Variants in SEL1L3 observed in about 807,000 individuals in gnomAD.
SEL1L3 encodes the protein protein sel-1 homolog 3.
SEL1L3 carries 76 observed loss-of-function variants against 142.8 expected under a neutral mutation model. The observed-to-expected ratio is 0.53, with a 90% CI of 0.44 to 0.64. The LOEUF is 0.64. Ranked by LOEUF, SEL1L3 falls within the 30% of genes least tolerant of loss-of-function variation. The probability of loss-of-function intolerance (pLI) is 0.00; values close to 1 mark genes in which losing one functional copy is unlikely to be tolerated. For missense variants in SEL1L3, 1,262 were observed against 1,381.7 expected (o/e 0.91, Z 1.37); for synonymous variants, 504 against 519.6 (o/e 0.97, Z 0.41).
chr4:25,767,507 C>G lies in SEL1L3; in HGVS notation c.2845+18G>C, dbSNP rs2290575. On this transcript the variant is annotated intron_variant, in intron 19 of 23. Coordinates refer to ENST00000399878, the MANE Select transcript of SEL1L3 (RefSeq NM_015187.5). Reference sequence around the variant, plus strand: ...AAACACCTAATGCTTCAATTTTGCACCGTTTTTCTATACATACCAAAGGAA... The same window carrying G: ...AAACACCTAATGCTTCAATTTTGCAGCGTTTTTCTATACATACCAAAGGAA... 0.22 allele frequency: 314,980 copies of G among 1,404,000 alleles called. 36,736 individuals carry two copies. Among genetic ancestry groups the G allele is most frequent in the Middle Eastern group, 0.32 (1,811 of 5,698 alleles). 87.0% of individuals were successfully genotyped at this position (1,404,000 alleles called of 1,614,324 possible).
intron 11 of SEL1L3, among the ~76,000 whole-genome samples, chr4:25,794,417 A>AG (rs1359376439): frequency 2.0e-5 from 3 of 152,250 alleles, no homozygotes; most frequent in Non-Finnish European, 4.4e-5. Context: ...CAACAAATGT[A>AG]GGGGAAAAAA....
At chr4:25,859,314 A>G (rs1215004293) in intron 1 of SEL1L3, among the ~76,000 whole-genome samples, 1 of 152,220 alleles carries the variant, frequency 6.6e-6, no homozygotes, top group African/African-American at 2.4e-5. Flanking sequence ...GTGACCTCAG[A>G]ATTTTCTGGC....
chr4:25,773,853 T>C (rs1719412465), intron 17 of SEL1L3, among the ~76,000 whole-genome samples: 1 of 152,194 alleles, frequency 6.6e-6, no homozygotes, highest in South Asian at 2.1e-4. Context: ...ATAAATGCTG[T>C]TCCCTGCCTG....
chr4:25,845,048 G>T (rs1716421273), intron 2 of SEL1L3, among the ~76,000 whole-genome samples: 1 of 152,184 alleles, frequency 6.6e-6, no homozygotes, highest in Non-Finnish European at 1.5e-5. Flanking sequence ...CACAAACACA[G>T]GACCCCCTGT....
chr4:25,809,437 G>T (rs1005775456), intron 9 of SEL1L3, among the ~76,000 whole-genome samples: 1 of 151,578 alleles, frequency 6.6e-6, no homozygotes, highest in South Asian at 2.1e-4. Context: ...GAGCCACGGC[G>T]CCCAGCCTAT....
At chr4:25,855,515 G>A (rs1341951405) in intron 1 of SEL1L3, among the ~76,000 whole-genome samples, 1 of 152,162 alleles carries the variant, frequency 6.6e-6, no homozygotes, top group Non-Finnish European at 1.5e-5. Flanking sequence ...CAGCACTTTG[G>A]GAGGCCGAGG....
intron 9 of SEL1L3, among the ~76,000 whole-genome samples, chr4:25,817,000 T>G (rs138786682): frequency 1.3e-5 from 2 of 152,342 alleles, no homozygotes; most frequent in Non-Finnish European, 2.9e-5. Context: ...CTTCTATATC[T>G]TTAATAAAAT....
chr4:25,809,051 C>T (rs28551131), intron 9 of SEL1L3, among the ~76,000 whole-genome samples: 6,112 of 135,090 alleles, frequency 0.045, 259 homozygotes, highest in East Asian at 0.14. Context: ...CCAGCCTGGG[C>T]GACAGAGTGA....
In SEL1L3 at chr4:25,767,732, T is replaced by A; in HGVS notation, c.2760+8A>T. On this transcript the variant is annotated splice_region_variant and intron_variant, in intron 18 of 23. Coordinates refer to ENST00000399878, the MANE Select transcript of SEL1L3 (RefSeq NM_015187.5). ...AGCTTCTACTCTGAGAAGAATACAT[T>A]TACTTACTGGCCTCTCCTCACAGAT... The A allele has an allele frequency of 6.4e-7, 1 of 1,554,804 alleles. No homozygotes were observed. Among genetic ancestry groups the A allele is most frequent in the Non-Finnish European group, 8.8e-7 (1 of 1,140,248 alleles).
At chr4:25,725,832 T>C in the SEL1L3 span, among the ~76,000 whole-genome samples, 1 of 152,178 alleles carries the variant, frequency 6.6e-6, no homozygotes, top group Non-Finnish European at 1.5e-5. Flanking sequence ...GAGTGTCTTT[T>C]AGCATGCTAA....
At chr4:25,856,154 A>T (rs1467178710) in intron 1 of SEL1L3, among the ~76,000 whole-genome samples, 1 of 152,138 alleles carries the variant, frequency 6.6e-6, no homozygotes, top group African/African-American at 2.4e-5. Context: ...CAAAAATACA[A>T]ATTAAATTTT....
intron 1 of SEL1L3, among the ~76,000 whole-genome samples, chr4:25,849,967 C>T (rs573388639): frequency 1.3e-5 from 2 of 152,058 alleles, no homozygotes; most frequent in African/African-American, 2.4e-5. Flanking sequence ...ATGGAAGAAA[C>T]GGTATCTCAG....
At chr4:25,819,761 G>A (rs977104868) in intron 8 of SEL1L3, 47 bp downstream of exon 8, 2 of 1,560,484 alleles carry the variant, frequency 1.3e-6, no homozygotes, top group Admixed American at 2.0e-5. Context: ...ATGTGTTTAT[G>A]TAAATGCACA....
intron 8 of SEL1L3, among the ~76,000 whole-genome samples, chr4:25,819,009 A>T (rs904397331): frequency 1.3e-5 from 2 of 152,204 alleles, no homozygotes; most frequent in African/African-American, 4.8e-5. Context: ...GGAGATAGAG[A>T]CATATGGGCA....
At chr4:25,769,282 G>A (rs1400378532) in intron 17 of SEL1L3, among the ~76,000 whole-genome samples, 6 of 152,232 alleles carry the variant, frequency 3.9e-5, no homozygotes, top group African/African-American at 1.4e-4. Context: ...AGAGGTGCTG[G>A]GGGACAAATT....
the SEL1L3 span, among the ~76,000 whole-genome samples, chr4:25,732,953 C>A: frequency 6.6e-6 from 1 of 152,128 alleles, no homozygotes. Context: ...ACCATGTTGG[C>A]CGGTATGGTC....
At chr4:25,842,980 G>A (rs1449186209) in intron 2 of SEL1L3, among the ~76,000 whole-genome samples, 1 of 152,174 alleles carries the variant, frequency 6.6e-6, no homozygotes, top group South Asian at 2.1e-4. Flanking sequence ...GGTAGGTGAG[G>A]TAAGGAAGTG....
At chr4:25,725,937 T>C in the SEL1L3 span, among the ~76,000 whole-genome samples, 1 of 152,168 alleles carries the variant, frequency 6.6e-6, no homozygotes, top group African/African-American at 2.4e-5. Context: ...GCTGTTCTAC[T>C]GCATCCTGTT....
rs2109336309 is a variant in SEL1L3 at position 25,862,865 on chromosome 4, C to T, written c.-29G>A. ...GAGGCCGCCCGGATCCGGGCCGGAA[C>T]AGGTCACCTGGTGCAGGGACCGGCC... is the stretch of plus-strand genomic sequence containing the variant. On this transcript the variant is annotated 5_prime_UTR_variant, in exon 1 of 24. Transcript: ENST00000399878. 3 of 1,082,350 alleles carry T rather than the reference C, an allele frequency of 2.8e-6. No individual in the cohort carries two copies. The highest frequency in any genetic ancestry group is 4.3e-5 in the South Asian group (1 of 23,028). The allele number at this position is 1,082,350 out of a possible 1,614,324, so 67.0% of individuals were successfully genotyped here.
Sources: gnomAD v4.1 joint callset for allele counts (sites outside exome capture counted in the v4.1 genomes callset) on GRCh38, gnomAD v4.1.1 for gene constraint, MANE v1.5 for transcripts, NCBI Gene and HGNC (gene_info 2026-07-23, HGNC 2026-07-21) for gene names.